Variants in DIAPH3 observed in about 807,000 individuals in gnomAD.
DIAPH3 encodes the protein protein diaphanous homolog 3.
A neutral mutation model predicts 144.3 loss-of-function variants in DIAPH3; 117 were observed. The ratio of observed to expected loss-of-function variants is 0.81; its 90% CI spans 0.70 to 0.95. The LOEUF is 0.95. Ranked by LOEUF, DIAPH3 falls within the 40% of genes least tolerant of loss-of-function variation. DIAPH3 has a pLI of 0.00. For synonymous variants in DIAPH3, 519 were observed against 488.9 expected (o/e 1.06, Z -0.81); for missense variants, 1,421 against 1,412.7 (o/e 1.01, Z -0.09).
At chr13:59,967,970 C>T (rs1314509848) in intron 17 of DIAPH3, among the ~76,000 whole-genome samples, 1 of 152,114 alleles carries the variant, frequency 6.6e-6, no homozygotes, top group South Asian at 2.1e-4. Flanking sequence ...CCTCTGCCAG[C>T]CTCTAAGTCA....
chr13:59,693,527 T>C (rs1304890644), intron 27 of DIAPH3, among the ~76,000 whole-genome samples: 1 of 152,176 alleles, frequency 6.6e-6, no homozygotes, highest in Admixed American at 6.5e-5. Context: ...TTAAAGTAGA[T>C]GCTCTTGGAT....
intron 1 of DIAPH3, among the ~76,000 whole-genome samples, chr13:60,135,681 G>A (rs2059253400): frequency 6.6e-6 from 1 of 152,110 alleles, no homozygotes; most frequent in African/African-American, 2.4e-5. Context: ...TGAGAATTGT[G>A]TTTCTTTCTA....
chr13:59,693,180 C>A (rs67585313), intron 27 of DIAPH3, among the ~76,000 whole-genome samples: 9 of 151,940 alleles, frequency 5.9e-5, no homozygotes, highest in African/African-American at 1.9e-4. Context: ...CGGTGGAAGG[C>A]GCTTATGACT....
intron 1 of DIAPH3, among the ~76,000 whole-genome samples, chr13:60,162,783 A>ACT (rs148955859): frequency 0.13 from 17,355 of 131,886 alleles, 1,425 homozygotes; most frequent in Non-Finnish European, 0.18. Context: ...CAAATGCTGT[A>ACT]CTCTCTCTCT....
At chr13:59,848,439 T>C (rs1344645807) in intron 22 of DIAPH3, among the ~76,000 whole-genome samples, 1 of 150,684 alleles carries the variant, frequency 6.6e-6, no homozygotes, top group Non-Finnish European at 1.5e-5. Context: ...TAGCCTTAGG[T>C]ATATCTCCCA....
At chr13:59,835,501 T>C (rs2042001419) in intron 23 of DIAPH3, among the ~76,000 whole-genome samples, 1 of 151,816 alleles carries the variant, frequency 6.6e-6, no homozygotes, top group African/African-American at 2.4e-5. Context: ...TACTCCCTTG[T>C]AGGTATAAGA....
intron 17 of DIAPH3, among the ~76,000 whole-genome samples, chr13:59,960,329 G>T (rs138842571): frequency 1.1e-4 from 16 of 152,276 alleles, no homozygotes; most frequent in African/African-American, 3.9e-4. Context: ...TGAAGGCTGC[G>T]ATTGTCAAAA....
At chr13:60,051,314 A>T (rs940827878) in intron 4 of DIAPH3, among the ~76,000 whole-genome samples, 15 of 152,236 alleles carry the variant, frequency 9.9e-5, no homozygotes, top group African/African-American at 3.6e-4. Flanking sequence ...GGAGGTAGGT[A>T]CAGGCTCAGA....
At chr13:59,923,867 AT>A (rs1288369919) in intron 18 of DIAPH3, among the ~76,000 whole-genome samples, 1 of 152,224 alleles carries the variant, frequency 6.6e-6, no homozygotes, top group Non-Finnish European at 1.5e-5. Context: ...TGAAATTTTC[AT>A]AAAAGGAATG....
Position 60,052,959 on chromosome 13 carries a change from TAAAAA to T in DIAPH3, c.496-10144_496-10140del, listed in dbSNP as rs559991017. Among the ~76,000 whole-genome samples the T allele has an allele frequency of 6.9e-4, 28 of 40,640 alleles. 2 individuals are homozygous for T. The South Asian group carries it at 9.7e-3, about 14-fold the overall frequency. 26.7% of individuals were successfully genotyped at this position (40,640 alleles called of 152,430 possible). ...CTGGTGACAGAGCCAGACTCCCTCT[TAAAAA>T]AAAAAAAAAAAAAAAAGAAATAATA... On this transcript the variant is annotated intron_variant, in intron 4 of 27. Transcript: ENST00000400324.
chr13:59,800,684 A>T (rs1183062765), intron 25 of DIAPH3, among the ~76,000 whole-genome samples: 1 of 152,216 alleles, frequency 6.6e-6, no homozygotes, highest in African/African-American at 2.4e-5. Context: ...ATGTTTCCTC[A>T]GACCAAATTC....
intron 27 of DIAPH3, among the ~76,000 whole-genome samples, chr13:59,685,321 C>T (rs1460423624): frequency 6.6e-6 from 1 of 152,090 alleles, no homozygotes; most frequent in African/African-American, 2.4e-5. Flanking sequence ...ACATTATGCT[C>T]ATGAATAAAT....
At chr13:59,770,363 A>G (rs939333979) in intron 27 of DIAPH3, among the ~76,000 whole-genome samples, 5 of 152,130 alleles carry the variant, frequency 3.3e-5, no homozygotes, top group African/African-American at 9.7e-5. Flanking sequence ...TACCAATCCA[A>G]CTAAGTATTG....
intron 27 of DIAPH3, among the ~76,000 whole-genome samples, chr13:59,749,135 G>T (rs1156425462): frequency 7.2e-6 from 1 of 139,030 alleles, no homozygotes; most frequent in Non-Finnish European, 1.5e-5. Context: ...AATCGCTTGT[G>T]CCCGGGAGGC....
At chr13:60,122,225 T>C (rs931575295) in intron 2 of DIAPH3, among the ~76,000 whole-genome samples, 2 of 152,166 alleles carry the variant, frequency 1.3e-5, no homozygotes, top group Non-Finnish European at 2.9e-5. Flanking sequence ...TAGAATCTCC[T>C]AAACATGTAC....
chr13:59,826,209 G>C (rs1373231550), intron 24 of DIAPH3, among the ~76,000 whole-genome samples: 1 of 143,970 alleles, frequency 6.9e-6, no homozygotes. Flanking sequence ...GGAAATAAAG[G>C]GTATTCAATT....
At chr13:60,093,030 A>G (rs535978053) in intron 4 of DIAPH3, among the ~76,000 whole-genome samples, 2 of 152,214 alleles carry the variant, frequency 1.3e-5, no homozygotes, top group Non-Finnish European at 2.9e-5. Context: ...GTATGTGACT[A>G]GTCAAGCTCA....
chr13:60,156,370 G>A lies in DIAPH3; in HGVS notation c.180+7217C>T, dbSNP rs188786560. Among the ~76,000 whole-genome samples the A allele has an allele frequency of 1.1e-3, 170 of 152,268 alleles. 2 individuals are homozygous for A. Among genetic ancestry groups the A allele is most frequent in the Admixed American group, 0.011 (168 of 15,306 alleles). ...TATTATGTGCAAGTGTGGCAAGTGT[G>A]GAGTCATACAAAGTATGAAACTCAA... On this transcript the variant is annotated intron_variant, in intron 1 of 27. Coordinates refer to ENST00000400324, the MANE Select transcript of DIAPH3 (RefSeq NM_001042517.2).
At chr13:59,782,881 G>A (rs558013299) in intron 25 of DIAPH3, among the ~76,000 whole-genome samples, 1 of 152,208 alleles carries the variant, frequency 6.6e-6, no homozygotes, top group East Asian at 1.9e-4. Context: ...TACAAGGCAG[G>A]GATTCTTGAA....
Sources: gnomAD v4.1 joint callset for allele counts (sites outside exome capture counted in the v4.1 genomes callset) on GRCh38, gnomAD v4.1.1 for gene constraint, MANE v1.5 for transcripts, NCBI Gene and HGNC (gene_info 2026-07-23, HGNC 2026-07-21) for gene names.